TECPR2: variants seen among roughly 807,000 people sequenced by gnomAD.
TECPR2 encodes tectonin beta-propeller repeat containing 2.
Under a neutral mutation model 138.1 loss-of-function variants are expected in TECPR2, and 65 were observed. The observed-to-expected ratio is 0.47, with a 90% CI of 0.39 to 0.58. TECPR2 has a LOEUF of 0.58. TECPR2 is among the 20% of genes least tolerant of loss of function. The pLI is 0.00. For synonymous variants in TECPR2, 746 were observed against 749.8 expected, an observed-to-expected ratio of 0.99 and a Z score of 0.08; for missense variants, 1,553 against 1,824.5, an observed-to-expected ratio of 0.85 and a Z score of 2.71.
At chr14:102,433,896 A>G (rs765720857) in intron 8 of TECPR2, among the ~76,000 whole-genome samples, 5 of 152,128 alleles carry the variant, frequency 3.3e-5, no homozygotes, top group Non-Finnish European at 5.9e-5. Context: ...GTTCCTGTTA[A>G]TCCTCTCTAG....
At chr14:102,456,147 C>T (rs1008486739) in intron 16 of TECPR2, among the ~76,000 whole-genome samples, 3 of 152,158 alleles carry the variant, frequency 2.0e-5, no homozygotes, top group African/African-American at 4.8e-5. Flanking sequence ...TGGCCATCTC[C>T]GGGCGGTGTG....
chr14:102,498,158 G>T lies in TECPR2; in HGVS notation c.4137G>T (p.Arg1379=), dbSNP rs1891342099. ...AVGPPGYLLQ[R]LTKTFSHSHG... is the part of the protein sequence containing the mutation. Reference sequence around the variant, plus strand: ...GCCCGCCCGGCTACCTCCTCCAACGGCTGACAAAGACGTTCAGCCACTCGC... The same window carrying T: ...GCCCGCCCGGCTACCTCCTCCAACGTCTGACAAAGACGTTCAGCCACTCGC... Residue 1379 remains arginine (R), a synonymous_variant, in exon 20 of 20, where the codon CGG becomes CGT. Coordinates refer to ENST00000359520, the MANE Select transcript of TECPR2 (RefSeq NM_014844.5). 2.5e-6 allele frequency: 4 copies of T among 1,612,942 alleles called. No individual in the cohort carries two copies. Among genetic ancestry groups the T allele is most frequent in the Non-Finnish European group, 3.4e-6 (4 of 1,179,952 alleles).
intron 6 of TECPR2, among the ~76,000 whole-genome samples, chr14:102,425,818 C>T (rs1379312402): frequency 6.6e-6 from 1 of 150,952 alleles, no homozygotes; most frequent in African/African-American, 2.4e-5. Context: ...TCGTGATCTG[C>T]CCGCCTTGGC....
intron 8 of TECPR2, 142 bp from the exon 9 acceptor site, chr14:102,434,093 G>A: frequency 1.4e-6 from 1 of 706,612 alleles, no homozygotes; most frequent in Non-Finnish European, 2.0e-6. Context: ...GGGATTATTT[G>A]TACTTAAGAG....
At chr14:102,411,970 A>G (rs183464888) in intron 4 of TECPR2, among the ~76,000 whole-genome samples, 56 of 152,256 alleles carry the variant, frequency 3.7e-4, no homozygotes, top group Non-Finnish European at 1.8e-4. Flanking sequence ...TTTAAAGGTT[A>G]GTAAAAATGT....
chr14:102,456,607 T>A (rs1488280708), intron 16 of TECPR2, among the ~76,000 whole-genome samples: 1 of 149,430 alleles, frequency 6.7e-6, no homozygotes, highest in Non-Finnish European at 1.5e-5. Context: ...TTTTTTTTTT[T>A]GAGACAGAGT....
chr14:102,382,247 C>G (rs935702582), intron 2 of TECPR2, among the ~76,000 whole-genome samples: 6 of 151,374 alleles, frequency 4.0e-5, no homozygotes, highest in East Asian at 1.9e-4. Context: ...GAGCCAAGAT[C>G]GCGCCATTGC....
Position 102,435,097 on chromosome 14 carries a change from C to T in TECPR2, c.2280C>T (p.His760=), listed in dbSNP as rs61744796. Residue 760 remains histidine (H), a synonymous_variant, in exon 9 of 20, where the codon CAC becomes CAT. Transcript: ENST00000359520. The part of the protein sequence containing the change: ...TSSDEEDIYA[H]GLPSSSSETS... ...GCGATGAGGAGGACATCTATGCCCA[C>T]GGGCTTCCTTCTTCATCCTCAGAGA... 144 of 1,613,874 alleles carry T rather than the reference C, an allele frequency of 8.9e-5. No individual in the cohort carries two copies. The Admixed American group carries it at 1.4e-3, about 15-fold the overall frequency.
At chr14:102,449,961 A>G (rs1890098361) in intron 14 of TECPR2, 92 bp downstream of exon 14, 1 of 1,548,412 alleles carries the variant, frequency 6.5e-7, no homozygotes, top group Non-Finnish European at 8.7e-7. Flanking sequence ...TCTCAACTTG[A>G]AAAGATAATT....
At chr14:102,407,671 G>A (rs1431031039) in intron 3 of TECPR2, among the ~76,000 whole-genome samples, 1 of 152,088 alleles carries the variant, frequency 6.6e-6, no homozygotes, top group Non-Finnish European at 1.5e-5. Flanking sequence ...AGACCATCCT[G>A]GCCAACATGG....
At position 102,420,905 on chromosome 14, in the gene TECPR2, GAGCTCTTTGAGC is replaced by G. The variant is rs926091189; in HGVS notation, c.639-4061_639-4050del. 1.9e-4 allele frequency among the ~76,000 whole-genome samples: 29 copies of G among 152,238 alleles called. No individual in the cohort carries two copies. The highest frequency in any genetic ancestry group is 9.2e-4 in the Admixed American group (14 of 15,292). On this transcript the variant is annotated intron_variant, in intron 5 of 19. Coordinates refer to ENST00000359520, the MANE Select transcript of TECPR2 (RefSeq NM_014844.5). This position sits in a 1 kb window ranked among gnomAD's most constrained non-coding sequence, Gnocchi z 4.1. Reference sequence around the variant, plus strand: ...CCACTCAGATGCACCACCTTGATCTGAGCTCTTTGAGCAGCTCTTTGAGCCTCAGATGGCGCT... The same window carrying G: ...CCACTCAGATGCACCACCTTGATCTGAGCTCTTTGAGCCTCAGATGGCGCT...
At position 102,452,641 on chromosome 14, in the gene TECPR2, G is replaced by A. The variant is rs780827549; in HGVS notation, c.3640+14G>A. The stretch of plus-strand genomic sequence containing the variant: ...TCTCCCAGCTAGGTACGGCCACCTC[G>A]TGAGTACACCTGCCGGTGCCCTGAC... On this transcript the variant is annotated intron_variant, in intron 16 of 19. Transcript: ENST00000359520. 5.1e-6 allele frequency: 8 copies of A among 1,561,944 alleles called. No homozygotes were observed. The highest frequency in any genetic ancestry group is 4.1e-5 in the African/African-American group (3 of 73,954).
chr14:102,461,755 G>T (rs909942618), intron 16 of TECPR2, among the ~76,000 whole-genome samples: 1 of 152,162 alleles, frequency 6.6e-6, no homozygotes, highest in Admixed American at 6.5e-5. Context: ...CCACCATCTC[G>T]GTTCCTTCTG....
In TECPR2 at chr14:102,428,225, T is replaced by G. The variant is rs1203258988; in HGVS notation, c.952-25T>G. The G allele has an allele frequency of 6.5e-5, 61 of 943,266 alleles. No homozygotes were observed. In the East Asian group the frequency reaches 6.8e-4, roughly 11 times the overall value. The allele number at this position is 943,266 out of a possible 1,614,324, so 58.4% of individuals were successfully genotyped here. On this transcript the variant is annotated intron_variant, in intron 6 of 19. Transcript: ENST00000359520. ...GTTGTTTAGTTTTGTGTTTTTTGTT[T>G]TTTTTTTTTTTTTTTTTTTGACAGG... is the stretch of plus-strand genomic sequence containing the variant.
rs1425067743 is a variant in TECPR2, at chr14:102,363,090, A to G, written c.-99A>G. 6.3e-6 allele frequency: 3 copies of G among 473,628 alleles called. No homozygotes were observed. Among genetic ancestry groups the G allele is most frequent in the East Asian group, 3.6e-5 (1 of 27,950 alleles). 29.3% of individuals were successfully genotyped at this position (473,628 alleles called of 1,614,324 possible). A position where few individuals can be genotyped will look rare whatever the true frequency, so the allele number is the denominator to read the frequency against. ...CGCCTCCTCCGGCCCGGCGGGGCCG[A>G]CGAGTCCGGAGGGGCTGCCGCGGGA... is the stretch of plus-strand genomic sequence containing the variant. On this transcript the variant is annotated 5_prime_UTR_variant, in exon 1 of 20. Transcript: ENST00000359520.
rs1890096448 is a variant in TECPR2, at chr14:102,449,871, T to C, written c.3316+2T>C. 2 of 1,612,224 alleles carry C rather than the reference T, an allele frequency of 1.2e-6. No individual in the cohort carries two copies. Among genetic ancestry groups the C allele is most frequent in the Non-Finnish European group, 1.7e-6 (2 of 1,179,518 alleles). On this transcript the variant is annotated splice_donor_variant, in intron 14 of 19. Transcript: ENST00000359520. LOFTEE classifies it high-confidence loss of function. ...ACGTCGCTAAGGGAAGTCTCATAGG[T>C]GGGTGAATTGCTGTAATTTTCACAC...
At chr14:102,417,761 C>T (rs1889065678) in intron 5 of TECPR2, among the ~76,000 whole-genome samples, 1 of 139,210 alleles carries the variant, frequency 7.2e-6, no homozygotes, top group East Asian at 2.1e-4. Context: ...GGGAGGCTGC[C>T]ATGGGAGTCC....
At chr14:102,465,487 G>C in intron 17 of TECPR2, 198 bp downstream of exon 17, 1 of 1,354,390 alleles carries the variant, frequency 7.4e-7, no homozygotes, top group Non-Finnish European at 9.5e-7. Flanking sequence ...GAGCTGAACA[G>C]ACTGTTACAG....
Position 102,411,698 on chromosome 14 carries a change from T to TAAAAAAAAAAAA in TECPR2, c.481-2938_481-2937insAAAAAAAAAAAA, listed in dbSNP as rs1219515960. Among the ~76,000 whole-genome samples the TAAAAAAAAAAAA allele has an allele frequency of 6.7e-3, 65 of 9,676 alleles. 1 individual carries two copies. Among genetic ancestry groups the TAAAAAAAAAAAA allele is most frequent in the South Asian group, 9.9e-3 (2 of 202 alleles). The allele number at this position is 9,676 out of a possible 152,430, so 6.3% of individuals were successfully genotyped here. ...CAGGTGAAATAAACAGCCATGTTGC[T>TAAAAAAAAAAAA]CAAAAAAAAAAAAAAAAAAAAAAAA... On this transcript the variant is annotated intron_variant, in intron 4 of 19. Coordinates refer to ENST00000359520, the MANE Select transcript of TECPR2 (RefSeq NM_014844.5).
Sources: gnomAD v4.1 joint callset for allele counts (sites outside exome capture counted in the v4.1 genomes callset) on GRCh38, gnomAD v4.1.1 for gene constraint, Gnocchi (gnomAD v3.1) non-coding constraint, MANE v1.5 for transcripts, NCBI Gene and HGNC (gene_info 2026-07-23, HGNC 2026-07-21) for gene names.